LGR5: variants seen among roughly 807,000 people sequenced by gnomAD.
The protein encoded by LGR5 is leucine-rich repeat-containing G protein-coupled receptor 5.
LGR5 carries 54 observed loss-of-function variants against 76.7 expected under a neutral mutation model. The ratio of observed to expected loss-of-function variants is 0.70; its 90% CI spans 0.57 to 0.88. The LOEUF (loss-of-function observed/expected upper bound fraction) is 0.88, where lower values mean the gene tolerates loss of function less well. Ranked by LOEUF, LGR5 falls within the 40% of genes least tolerant of loss-of-function variation. LGR5 has a pLI of 0.00. For missense variants in LGR5, 1,078 were observed against 1,073.3 expected (o/e 1.00, Z -0.06); for synonymous variants, 406 against 421.9 (o/e 0.96, Z 0.46).
At chr12:71,565,236 C>A (rs1797371) in intron 8 of LGR5, among the ~76,000 whole-genome samples, 1 of 151,584 alleles carries the variant, frequency 6.6e-6, no homozygotes, top group Non-Finnish European at 1.5e-5. Context: ...CATGCATTAG[C>A]TCTTTTAATT....
chr12:71,526,508 C>A (rs1876012432), intron 3 of LGR5, among the ~76,000 whole-genome samples: 1 of 152,130 alleles, frequency 6.6e-6, no homozygotes, highest in African/African-American at 2.4e-5. Context: ...GTCTCCTGTA[C>A]AGTCAAGGGT....
At chr12:71,458,917 G>T (rs765457511) in intron 1 of LGR5, among the ~76,000 whole-genome samples, 1 of 151,942 alleles carries the variant, frequency 6.6e-6, no homozygotes, top group South Asian at 2.1e-4. Context: ...CCTGGTCTTG[G>T]TGGTCAGGGA....
At chr12:71,447,822 G>A (rs915785184) in intron 1 of LGR5, among the ~76,000 whole-genome samples, 3 of 152,182 alleles carry the variant, frequency 2.0e-5, no homozygotes, top group Non-Finnish European at 2.9e-5. Flanking sequence ...CCTTCAGTTC[G>A]GTTCAGAAAC....
chr12:71,484,641 A>ATTG (rs34993515), intron 1 of LGR5, among the ~76,000 whole-genome samples: 13,599 of 151,994 alleles, frequency 0.089, 645 homozygotes, highest in Non-Finnish European at 0.11. Flanking sequence ...TGCTGTCATT[A>ATTG]TTGTTTTCTG....
intron 4 of LGR5, among the ~76,000 whole-genome samples, chr12:71,552,585 T>A (rs1023857615): frequency 4.0e-5 from 6 of 150,926 alleles, no homozygotes; most frequent in Admixed American, 3.9e-4. Flanking sequence ...AAAAAAAAAT[T>A]ACGCAGTTCC....
intron 4 of LGR5, among the ~76,000 whole-genome samples, chr12:71,535,874 A>G (rs1219809947): frequency 6.6e-6 from 1 of 152,144 alleles, no homozygotes; most frequent in African/African-American, 2.4e-5. Context: ...CCCTACACAC[A>G]CTGATTTAAA....
At chr12:71,554,965 C>T (rs913596630) in intron 5 of LGR5, among the ~76,000 whole-genome samples, 1 of 152,106 alleles carries the variant, frequency 6.6e-6, no homozygotes, top group African/African-American at 2.4e-5. Flanking sequence ...TTCATGCCCA[C>T]CCACTGGCCC....
chr12:71,530,049 C>G (rs942859064), intron 3 of LGR5, among the ~76,000 whole-genome samples: 7 of 151,482 alleles, frequency 4.6e-5, no homozygotes, highest in Non-Finnish European at 1.5e-5. Context: ...TATATAATGA[C>G]ACTTACATCA....
In LGR5 at chr12:71,535,193, A is replaced by G; in HGVS notation, c.428+7A>G. ...TGCGAAGCCTTCAATCCCTGTAAGT[A>G]TAGTAGACATTGCAAAATATATTTA... On this transcript the variant is annotated splice_region_variant and intron_variant, in intron 4 of 17. Coordinates refer to ENST00000266674, the MANE Select transcript of LGR5 (RefSeq NM_003667.4). 6.4e-7 allele frequency: 1 copy of G among 1,565,012 alleles called. No homozygotes were observed. Among genetic ancestry groups the G allele is most frequent in the Non-Finnish European group, 8.8e-7 (1 of 1,136,518 alleles).
chr12:71,561,199 C>A (rs1878041003), intron 7 of LGR5, among the ~76,000 whole-genome samples: 1 of 152,140 alleles, frequency 6.6e-6, no homozygotes, highest in South Asian at 2.1e-4. Flanking sequence ...CATGGGGTCA[C>A]CTCATACAGC....
At chr12:71,511,978 G>A (rs1875177541) in intron 2 of LGR5, among the ~76,000 whole-genome samples, 1 of 151,052 alleles carries the variant, frequency 6.6e-6, no homozygotes, top group Non-Finnish European at 1.5e-5. Flanking sequence ...ACTCGTTTTT[G>A]GTTTGTTTGT....
At chr12:71,558,883 A>C (rs547954463) in intron 6 of LGR5, among the ~76,000 whole-genome samples, 62 of 152,362 alleles carry the variant, frequency 4.1e-4, no homozygotes, top group African/African-American at 1.3e-3. Context: ...TAACAGATAC[A>C]GAAACTAATG....
At chr12:71,533,574 T>G (rs1049971822) in intron 3 of LGR5, among the ~76,000 whole-genome samples, 14 of 152,196 alleles carry the variant, frequency 9.2e-5, no homozygotes, top group African/African-American at 3.4e-4. Flanking sequence ...CCCTAAAGTT[T>G]GACAACCAAT....
In LGR5 at chr12:71,566,819, T is replaced by C. The variant is rs755344653; in HGVS notation, c.999-22T>C. 1.6e-5 allele frequency: 26 copies of C among 1,607,928 alleles called. 1 individual carries two copies. In the South Asian group the frequency reaches 2.6e-4, roughly 16 times the overall value. On this transcript the variant is annotated intron_variant, in intron 10 of 17. Transcript: ENST00000266674. ...GTGTGATGCCTGAATGAAAGAATTA[T>C]GTCTGGTTTGTGTTTTAACAGGACT...
intron 1 of LGR5, among the ~76,000 whole-genome samples, chr12:71,482,971 A>G (rs1388362372): frequency 6.6e-6 from 1 of 152,170 alleles, no homozygotes; most frequent in Non-Finnish European, 1.5e-5. Flanking sequence ...TCTTGGGAAT[A>G]TAGTGTAAAT....
At position 71,578,786 on chromosome 12, in the gene LGR5, T is replaced by C; in HGVS notation, c.1281-18T>C. On this transcript the variant is annotated intron_variant, in intron 14 of 17. Coordinates refer to ENST00000266674, the MANE Select transcript of LGR5 (RefSeq NM_003667.4). ...GCTAACATAGACTAAAAGCCAATTGTTGTTTGATGTTTTGCAGGGACCTAT... is the reference window on the plus strand; with the variant it reads ...GCTAACATAGACTAAAAGCCAATTGCTGTTTGATGTTTTGCAGGGACCTAT... The C allele has an allele frequency of 1.3e-6, 2 of 1,585,992 alleles. No individual in the cohort carries two copies. Among genetic ancestry groups the C allele is most frequent in the Non-Finnish European group, 1.7e-6 (2 of 1,168,670 alleles).
intron 1 of LGR5, among the ~76,000 whole-genome samples, chr12:71,497,582 C>T (rs1874390715): frequency 6.6e-6 from 1 of 152,138 alleles, no homozygotes; most frequent in South Asian, 2.1e-4. Context: ...CAAGCCTGCA[C>T]CTTGCCTTTT....
At chr12:71,472,728 C>T (rs933754762) in intron 1 of LGR5, among the ~76,000 whole-genome samples, 1 of 152,184 alleles carries the variant, frequency 6.6e-6, no homozygotes, top group Non-Finnish European at 1.5e-5. Context: ...GGGATCCATA[C>T]CACAAGGGTG....
chr12:71,500,775 T>C (rs1443166374), intron 1 of LGR5, among the ~76,000 whole-genome samples: 1 of 152,104 alleles, frequency 6.6e-6, no homozygotes, highest in Non-Finnish European at 1.5e-5. Context: ...CATCAACATT[T>C]TTTAAAGCTC....
Sources: gnomAD v4.1 joint callset for allele counts (sites outside exome capture counted in the v4.1 genomes callset) on GRCh38, gnomAD v4.1.1 for gene constraint, MANE v1.5 for transcripts, NCBI Gene and HGNC (gene_info 2026-07-23, HGNC 2026-07-21) for gene names.